The following TMX1 variants were observed in gnomAD, a reference collection of about 807,000 sequenced individuals.
TMX1 encodes the protein thioredoxin related transmembrane protein 1.
Under a neutral mutation model 36.6 loss-of-function variants are expected in TMX1, and 25 were observed. That is an observed-to-expected ratio of 0.68 (90% CI 0.50 to 0.95). The LOEUF (loss-of-function observed/expected upper bound fraction) is 0.95, where lower values mean the gene tolerates loss of function less well. Ranked by LOEUF, TMX1 falls within the 40% of genes least tolerant of loss-of-function variation. The pLI is 0.00. For missense variants in TMX1, 347 were observed against 339.6 expected, an observed-to-expected ratio of 1.02 and a Z score of -0.17; for synonymous variants, 133 against 118.0, an observed-to-expected ratio of 1.13 and a Z score of -0.82.
At chr14:51,247,946 G>A (rs1397847644) in intron 4 of TMX1, among the ~76,000 whole-genome samples, 1 of 152,312 alleles carries the variant, frequency 6.6e-6, no homozygotes, top group East Asian at 1.9e-4. Flanking sequence ...CATAGAGACC[G>A]TCAATAATTG....
intron 7 of TMX1, among the ~76,000 whole-genome samples, chr14:51,251,829 A>C (rs1012404496): frequency 6.6e-6 from 1 of 152,188 alleles, no homozygotes; most frequent in Non-Finnish European, 1.5e-5. Context: ...ATTTCTTAAA[A>C]TTCCCAGGTG....
chr14:51,243,297 G>T (rs545043905), intron 1 of TMX1, among the ~76,000 whole-genome samples: 2 of 152,272 alleles, frequency 1.3e-5, no homozygotes, highest in Admixed American at 6.5e-5. Flanking sequence ...TTGTGTGTGG[G>T]TTATTTTTTG....
intron 2 of TMX1, 90 bp from the exon 3 acceptor site, chr14:51,245,223 T>C (rs1174764756): frequency 7.8e-6 from 11 of 1,404,330 alleles, no homozygotes; most frequent in Non-Finnish European, 6.0e-6. Flanking sequence ...TATTCTTTCC[T>C]ATTAGTATGT....
At chr14:51,246,316 C>T (rs2065785503) in intron 3 of TMX1, among the ~76,000 whole-genome samples, 1 of 152,074 alleles carries the variant, frequency 6.6e-6, no homozygotes, top group African/African-American at 2.4e-5. Flanking sequence ...TGTTTCCTGC[C>T]TGTCGAAATC....
At chr14:51,245,384 T>G in intron 3 of TMX1, 26 bp downstream of exon 3, 1 of 1,612,590 alleles carries the variant, frequency 6.2e-7, no homozygotes, top group Non-Finnish European at 8.5e-7. Flanking sequence ...TTCTAAATTA[T>G]GGAGAAGGAT....
intron 7 of TMX1, 83 bp from the exon 8 acceptor site, chr14:51,254,258 C>T (rs2065828087): frequency 8.1e-7 from 1 of 1,241,484 alleles, no homozygotes. Context: ...AGTTTTGGGG[C>T]ATATGAGACA....
At chr14:51,245,393 A>G (rs866596181) in intron 3 of TMX1, 35 bp downstream of exon 3, 9 of 1,611,624 alleles carry the variant, frequency 5.6e-6, no homozygotes, top group Middle Eastern at 1.6e-4. Context: ...ATGGAGAAGG[A>G]TGCATTATAG....
Position 51,254,526 on chromosome 14 carries a change from T to G in TMX1, c.*7T>G. 6.3e-7 allele frequency: 1 copy of G among 1,578,250 alleles called. No homozygotes were observed. Among genetic ancestry groups the G allele is most frequent in the Non-Finnish European group, 8.6e-7 (1 of 1,169,304 alleles). ...GGCCACAGATAAATCCTAGTTAAATTTTATAGTTATCTTAATATTATGATT... is the reference window on the plus strand; with the variant it reads ...GGCCACAGATAAATCCTAGTTAAATGTTATAGTTATCTTAATATTATGATT... On this transcript the variant is annotated 3_prime_UTR_variant, in exon 8 of 8. Transcript: ENST00000457354.
Position 51,247,193 on chromosome 14 carries a change from C to A in TMX1, c.416C>A (p.Ser139Ter). Reference protein sequence around the residue: ...DKEWKSIEPVSSWFGPGSVLM... With the variant: ...DKEWKSIEPV ...GAGTGGAAGAGTATTGAGCCCGTTT[C>A]ATCATGGTTTGGTCCAGGTTCTGTT... The change falls in exon 4 of 8, where the codon TCA (serine) becomes TAA (stop). Residue 139 changes from serine (S) to a stop codon, truncating the protein, a stop_gained. Coordinates refer to ENST00000457354, the MANE Select transcript of TMX1 (RefSeq NM_030755.5). LOFTEE classifies it high-confidence loss of function. 6.2e-7 allele frequency: 1 copy of A among 1,613,520 alleles called. No homozygotes were observed. The highest frequency in any genetic ancestry group is 8.5e-7 in the Non-Finnish European group (1 of 1,179,764).
In TMX1 at chr14:51,249,506, A is replaced by G. The variant is rs1197626971; in HGVS notation, c.528A>G (p.Pro176=). The change falls in exon 6 of 8, where the codon CCA becomes CCG. Residue 176 remains proline, a synonymous_variant. Transcript: ENST00000457354. ...HNYFIEDLGL[P]VWGSYTVFAL... ...ACTTTATTGAAGACCTTGGATTGCCAGTGTGGGGATCATATACTGTTTTTG... is the reference window on the plus strand; with the variant it reads ...ACTTTATTGAAGACCTTGGATTGCCGGTGTGGGGATCATATACTGTTTTTG... 6.2e-7 allele frequency: 1 copy of G among 1,613,436 alleles called. No individual in the cohort carries two copies. Among genetic ancestry groups the G allele is most frequent in the East Asian group, 2.2e-5 (1 of 44,806 alleles).
At chr14:51,242,062 G>C (rs1258250150) in intron 1 of TMX1, among the ~76,000 whole-genome samples, 1 of 152,210 alleles carries the variant, frequency 6.6e-6, no homozygotes, top group Non-Finnish European at 1.5e-5. Flanking sequence ...CTGGGAGTCA[G>C]AGGTTGCAGT....
Position 51,257,280 on chromosome 14 carries a change from A to G in TMX1, c.*2761A>G, listed in dbSNP as rs1019749847. On this transcript the variant is annotated 3_prime_UTR_variant, in exon 8 of 8. Transcript: ENST00000457354. ...ATGCTTTAGAAAGCAATTTTCTCTC[A>G]TCAGTTTCGTCCTTATTCAGCCTTA... 5.3e-5 allele frequency: 8 copies of G among 152,298 alleles called. No individual in the cohort carries two copies. Among genetic ancestry groups the G allele is most frequent in the South Asian group, 2.1e-4 (1 of 4,830 alleles). The allele number at this position is 152,298 out of a possible 1,614,324, so 9.4% of individuals were successfully genotyped here. A position where few individuals can be genotyped will look rare whatever the true frequency, so the allele number is the denominator to read the frequency against.
rs749574862 is a variant in TMX1 at position 51,243,968 on chromosome 14, C to T, written c.265C>T (p.Pro89Ser). The change falls in exon 2 of 8, where the codon CCA becomes TCA. Residue 89 changes from proline to serine, a missense_variant. Physicochemically the swap from Pro to Ser is moderately conservative, Grantham distance 74. Transcript: ENST00000457354. ...TGCGAAAGTAGATGTCACAGAGCAG[C>T]CAGGTACTGTAAGTCTTTGGTTAGT... ...NIAKVDVTEQ[P>S]GLSGRFIITA... is the part of the protein sequence containing the mutation. 3.1e-6 allele frequency: 5 copies of T among 1,600,052 alleles called. No homozygotes were observed. The African/African-American group carries it at 5.4e-5, about 17-fold the overall frequency.
Position 51,249,749 on chromosome 14 carries a change from G to GGCGCAGACCACAGCCA in TMX1, c.648_649insGCGCAGACCACAGCCA (p.Tyr217AlafsTer32), listed in dbSNP as rs1566711924. ...CTTCAAAAAGGCGCAGACCACAGCC[G>GGCGCAGACCACAGCCA]TACCCATACCCTTCAAGTAAGTATA... On this transcript the variant is annotated frameshift_variant, in exon 7 of 8. Transcript: ENST00000457354. LOFTEE classifies it high-confidence loss of function. The GGCGCAGACCACAGCCA allele has an allele frequency of 6.2e-7, 1 of 1,611,698 alleles. No homozygotes were observed. The highest frequency in any genetic ancestry group is 8.5e-7 in the Non-Finnish European group (1 of 1,178,406).
chr14:51,242,231 T>G (rs548726220), intron 1 of TMX1, among the ~76,000 whole-genome samples: 14 of 152,302 alleles, frequency 9.2e-5, no homozygotes, highest in Non-Finnish European at 2.1e-4. Flanking sequence ...CAGGCACCAT[T>G]GAAAGCTTCA....
Position 51,255,058 on chromosome 14 carries a change from A to T in TMX1, c.*539A>T, listed in dbSNP as rs1473697109. On this transcript the variant is annotated 3_prime_UTR_variant, in exon 8 of 8. Transcript: ENST00000457354. The stretch of plus-strand genomic sequence containing the variant: ...TTAGGTTATGCAACTAATAAAAACT[A>T]CCTTACATTAATTAATTACAGTTTT... 1 of 152,134 alleles carries T rather than the reference A, an allele frequency of 6.6e-6. No homozygotes were observed. The highest frequency in any genetic ancestry group is 6.5e-5 in the Admixed American group (1 of 15,272). The allele number at this position is 152,134 out of a possible 1,614,324, so 9.4% of individuals were successfully genotyped here.
At chr14:51,242,501 T>G (rs2065766621) in intron 1 of TMX1, among the ~76,000 whole-genome samples, 1 of 152,206 alleles carries the variant, frequency 6.6e-6, no homozygotes, top group Admixed American at 6.5e-5. Flanking sequence ...GGAGCATCTA[T>G]CTGAAATTAT....
At position 51,254,693 on chromosome 14, in the gene TMX1, A is replaced by C; in HGVS notation, c.*174A>C. ...TAAAAGCACTAGGTATACAAGTTTG[A>C]AATATGATTTAAGCACAGTATGATG... On this transcript the variant is annotated 3_prime_UTR_variant, in exon 8 of 8. Transcript: ENST00000457354. The C allele has an allele frequency of 1.9e-6, 1 of 538,526 alleles. No homozygotes were observed. The highest frequency in any genetic ancestry group is 3.1e-6 in the Non-Finnish European group (1 of 321,222). The allele number at this position is 538,526 out of a possible 1,614,324, so 33.4% of individuals were successfully genotyped here.
intron 7 of TMX1, 38 bp from the exon 8 acceptor site, chr14:51,254,303 A>T: frequency 6.5e-7 from 1 of 1,549,336 alleles, no homozygotes; most frequent in African/African-American, 1.4e-5. Flanking sequence ...CAAATCTAAT[A>T]CATCAACAAA....
Sources: gnomAD v4.1 joint callset for allele counts (sites outside exome capture counted in the v4.1 genomes callset) on GRCh38, gnomAD v4.1.1 for gene constraint, MANE v1.5 for transcripts, NCBI Gene and HGNC (gene_info 2026-07-23, HGNC 2026-07-21) for gene names.